DISP1: variants seen among roughly 807,000 people sequenced by gnomAD.
DISP1 encodes the protein protein dispatched homolog 1.
In DISP1, 30 loss-of-function variants were observed where a neutral mutation model predicts 37.3. The observed-to-expected ratio is 0.80, with a 90% CI of 0.60 to 1.09. The LOEUF (loss-of-function observed/expected upper bound fraction) is 1.09, where lower values mean the gene tolerates loss of function less well. Among genes scored for constraint, DISP1 ranks in the 50% least tolerant of loss-of-function variants. The pLI, the probability that DISP1 is intolerant of heterozygous loss-of-function variation, is 0.00. For synonymous variants in DISP1, 634 were observed against 690.2 expected, an observed-to-expected ratio of 0.92 and a Z score of 1.28; for missense variants, 1,598 against 1,879.5, an observed-to-expected ratio of 0.85 and a Z score of 2.77.
chr1:222,981,061 A>G (rs2789923), intron 3 of DISP1, among the ~76,000 whole-genome samples: 149,140 of 152,388 alleles, frequency 0.98, 73,056 homozygotes, highest in East Asian at 1. Context: ...CTGGGCAACA[A>G]AGCAAGACTC....
chr1:222,979,754 A>C (rs924896872), intron 3 of DISP1: 2 of 442,878 alleles, frequency 4.5e-6, no homozygotes, highest in Admixed American at 4.8e-5. Flanking sequence ...CCCTCTATGC[A>C]TACTTGGATA....
chr1:222,910,486 T>C (rs539547157), intron 1 of DISP1, among the ~76,000 whole-genome samples: 1 of 152,264 alleles, frequency 6.6e-6, no homozygotes, highest in African/African-American at 2.4e-5. Flanking sequence ...AATGGTGCAC[T>C]CAGTAGGAAA....
intron 1 of DISP1, among the ~76,000 whole-genome samples, chr1:222,923,288 C>T (rs532069107): frequency 3.3e-5 from 5 of 152,260 alleles, no homozygotes; most frequent in African/African-American, 1.2e-4. Context: ...TGACAATATT[C>T]TCTATTTGCA....
intron 1 of DISP1, among the ~76,000 whole-genome samples, chr1:222,909,289 G>T (rs1296874740): frequency 1.3e-5 from 2 of 152,130 alleles, no homozygotes; most frequent in Non-Finnish European, 2.9e-5. Flanking sequence ...ATACCTATCA[G>T]CTCCCTGGTT....
rs758659029 is a variant in DISP1 at position 223,004,101 on chromosome 1, G to A, written c.2704G>A (p.Gly902Arg). ...TATCATGGAGCTGGAAAGGAGTACA[G>A]GGTACCATTTGGATAGCAAAACCCC... ...RAIMELERST[G>R]YHLDSKTPGP... Residue 902 changes from glycine (G) to arginine (R), a missense_variant, in exon 9 of 9, where the codon GGG becomes AGG. Coordinates refer to ENST00000675850, the MANE Select transcript of DISP1 (RefSeq NM_001377229.1). The surrounding 1 kb of genome is among the most constrained non-coding windows in gnomAD (Gnocchi z 4.9). 11 of 1,614,190 alleles carry A rather than the reference G, an allele frequency of 6.8e-6. No homozygotes were observed. The highest frequency in any genetic ancestry group is 1.7e-5 in the Admixed American group (1 of 60,016).
intron 1 of DISP1, among the ~76,000 whole-genome samples, chr1:222,821,878 C>CAAA (rs35160286): frequency 4.1e-5 from 3 of 73,564 alleles, no homozygotes; most frequent in Non-Finnish European, 7.9e-5. Flanking sequence ...GACTCCATCT[C>CAAA]AAAAAAAAAA....
At chr1:222,912,291 T>G (rs971379444) in intron 1 of DISP1, among the ~76,000 whole-genome samples, 16 of 152,216 alleles carry the variant, frequency 1.1e-4, no homozygotes, top group Non-Finnish European at 2.2e-4. Flanking sequence ...GAGTAGCAAT[T>G]TGGACCGTTT....
At chr1:222,979,737 A>G (rs1677695978) in intron 3 of DISP1, 1 of 460,992 alleles carries the variant, frequency 2.2e-6, no homozygotes, top group Non-Finnish European at 4.5e-6. Flanking sequence ...GTGGCCCTGC[A>G]CTCCGTCCCT....
intron 4 of DISP1, among the ~76,000 whole-genome samples, chr1:222,984,413 A>ATAT (rs1409829092): frequency 1.8e-5 from 1 of 55,218 alleles, no homozygotes; most frequent in African/African-American, 5.8e-5. Flanking sequence ...CAAAAAAAAA[A>ATAT]AAAAAAAAAT....
intron 1 of DISP1, among the ~76,000 whole-genome samples, chr1:222,832,900 A>G (rs1666112259): frequency 6.6e-6 from 1 of 152,124 alleles, no homozygotes; most frequent in Non-Finnish European, 1.5e-5. Flanking sequence ...CATCTCAAAG[A>G]AATAAAAAAT....
At chr1:222,920,775 G>A (rs1243967887) in intron 1 of DISP1, among the ~76,000 whole-genome samples, 1 of 151,792 alleles carries the variant, frequency 6.6e-6, no homozygotes, top group Admixed American at 6.6e-5. Flanking sequence ...GATCTCTATG[G>A]TTTTTGCTTT....
At chr1:222,894,273 G>A (rs1256476162) in intron 1 of DISP1, among the ~76,000 whole-genome samples, 1 of 152,156 alleles carries the variant, frequency 6.6e-6, no homozygotes, top group Non-Finnish European at 1.5e-5. Context: ...TTTCCACCCA[G>A]GAGCCAGTCT....
chr1:222,917,276 G>A (rs1672546850), intron 1 of DISP1, among the ~76,000 whole-genome samples: 1 of 152,158 alleles, frequency 6.6e-6, no homozygotes, highest in African/African-American at 2.4e-5. Context: ...CGTAGTAACT[G>A]TGGCAAACTG....
chr1:223,005,048 T>C lies in DISP1; in HGVS notation c.3651T>C (p.Ser1217=). 6.2e-7 allele frequency: 1 copy of C among 1,614,212 alleles called. No individual in the cohort carries two copies. Among genetic ancestry groups the C allele is most frequent in the South Asian group, 1.1e-5 (1 of 91,088 alleles). ...CTTATGAAGAGACCCACATCTGCTCTGAATTTTTCAACAGCCAAGCAAAGA... is the reference window on the plus strand; with the variant it reads ...CTTATGAAGAGACCCACATCTGCTCCGAATTTTTCAACAGCCAAGCAAAGA... The part of the protein sequence containing the change: ...KTTYEETHIC[S]EFFNSQAKNL... The change falls in exon 9 of 9, where the codon TCT becomes TCC. Residue 1217 remains serine, a synonymous_variant. Coordinates refer to ENST00000675850, the MANE Select transcript of DISP1 (RefSeq NM_001377229.1).
intron 3 of DISP1, among the ~76,000 whole-genome samples, chr1:222,952,085 C>G (rs1205348037): frequency 4.6e-5 from 7 of 152,128 alleles, no homozygotes; most frequent in African/African-American, 1.4e-4. Flanking sequence ...AATCATTTCT[C>G]TTTATTTTTT....
At chr1:222,929,985 T>C (rs895835485) in intron 2 of DISP1, among the ~76,000 whole-genome samples, 4 of 152,160 alleles carry the variant, frequency 2.6e-5, no homozygotes, top group African/African-American at 9.7e-5. Context: ...AAATGTGTAA[T>C]GTTTTAAGTG....
rs67660273 is a variant in DISP1 at position 222,984,435 on chromosome 1, T to TATAGAGAGAG, written c.539+1327_539+1328insTAGAGAGAGA. 7.4e-3 allele frequency among the ~76,000 whole-genome samples: 806 copies of TATAGAGAGAG among 108,350 alleles called. 35 individuals are homozygous for TATAGAGAGAG. The highest frequency in any genetic ancestry group is 0.026 in the African/African-American group (688 of 26,398). The allele number at this position is 108,350 out of a possible 152,430, so 71.1% of individuals were successfully genotyped here. A position where few individuals can be genotyped will look rare whatever the true frequency, so the allele number is the denominator to read the frequency against. ...AAAAAAAAAAAAATATATATATATA[T>TATAGAGAGAG]AGAGAGAGAGAGAGAGAGAGAGAGC... On this transcript the variant is annotated intron_variant, in intron 4 of 8. Transcript: ENST00000675850.
At chr1:222,900,729 G>A (rs1369578759) in intron 1 of DISP1, among the ~76,000 whole-genome samples, 2 of 152,152 alleles carry the variant, frequency 1.3e-5, no homozygotes, top group Non-Finnish European at 1.5e-5. Flanking sequence ...CAAGATGAAG[G>A]TAGTGAAGTC....
At chr1:222,997,371 T>C (rs1446163802) in intron 8 of DISP1, among the ~76,000 whole-genome samples, 2 of 152,280 alleles carry the variant, frequency 1.3e-5, no homozygotes, top group Admixed American at 6.5e-5. Context: ...GTTTGTTTTT[T>C]AGAAGCCCAG....
Sources: allele counts gnomAD v4.1 joint callset (sites outside exome capture counted in the v4.1 genomes callset), GRCh38; gene constraint gnomAD v4.1.1; non-coding constraint Gnocchi (gnomAD v3.1); transcripts MANE v1.5; gene names NCBI Gene and HGNC (gene_info 2026-07-23, HGNC 2026-07-21).